TMEM217: variants seen among roughly 807,000 people sequenced by gnomAD.
TMEM217 encodes chromosome 6 open reading frame 128.
For synonymous variants in TMEM217, 76 were observed against 88.3 expected (o/e 0.86, Z 0.78); for missense variants, 204 against 248.8 (o/e 0.82, Z 1.21).
chr6:37,233,696 A>C (rs750206347), intron 1 of TMEM217, among the ~76,000 whole-genome samples: 3 of 152,220 alleles, frequency 2.0e-5, no homozygotes, highest in Non-Finnish European at 4.4e-5. Flanking sequence ...TGCTATCATC[A>C]TAGTCCAAAA....
intron 1 of TMEM217, among the ~76,000 whole-genome samples, chr6:37,230,680 G>T (rs1203033673): frequency 6.6e-6 from 1 of 152,076 alleles, no homozygotes; most frequent in Non-Finnish European, 1.5e-5. Flanking sequence ...CAGAATTCAA[G>T]AACTGTGAGA....
chr6:37,252,976 TAAAGA>T (rs1765528658), intron 1 of TMEM217, among the ~76,000 whole-genome samples: 1 of 152,216 alleles, frequency 6.6e-6, no homozygotes, highest in African/African-American at 2.4e-5. Flanking sequence ...ACGGTAACAT[TAAAGA>T]AAAGTTCCAG....
At chr6:37,248,336 T>C (rs1765210608) in intron 1 of TMEM217, among the ~76,000 whole-genome samples, 1 of 152,206 alleles carries the variant, frequency 6.6e-6, no homozygotes, top group South Asian at 2.1e-4. Context: ...GAAGAATTAA[T>C]TTCTATCTAC....
At chr6:37,215,308 T>A (rs1312242160), downstream of TMEM217, 5 of 1,607,874 alleles carry the variant, frequency 3.1e-6, no homozygotes, top group East Asian at 1.1e-4. Flanking sequence ...AACAAATGAA[T>A]AAAAATTGTT....
At chr6:37,243,460 A>T (rs1388962446) in intron 1 of TMEM217, among the ~76,000 whole-genome samples, 3 of 152,224 alleles carry the variant, frequency 2.0e-5, no homozygotes, top group Non-Finnish European at 4.4e-5. Context: ...CCTGCCTGCT[A>T]CACAGACAAA....
At chr6:37,218,185 T>TTTTG in exon 2 of TMEM217, 2 of 1,121,888 alleles carry the variant, frequency 1.8e-6, no homozygotes, top group East Asian at 4.3e-5. Flanking sequence ...TTTTTTTTTT[T>TTTTG]GGGGGACAGA....
chr6:37,231,200 C>T (rs902769411), intron 1 of TMEM217, among the ~76,000 whole-genome samples: 2 of 149,356 alleles, frequency 1.3e-5, no homozygotes, highest in East Asian at 2.0e-4. Flanking sequence ...GCTGGGATTA[C>T]AGGTGCAAGC....
At chr6:37,255,278 G>C (rs1306853456) in intron 1 of TMEM217, among the ~76,000 whole-genome samples, 1 of 152,180 alleles carries the variant, frequency 6.6e-6, no homozygotes, top group Non-Finnish European at 1.5e-5. Context: ...GAGGTGAGTG[G>C]AGCCAAGTCA....
chr6:37,242,531 A>T (rs913300573), intron 1 of TMEM217, among the ~76,000 whole-genome samples: 4 of 152,214 alleles, frequency 2.6e-5, no homozygotes, highest in African/African-American at 9.6e-5. Context: ...AAAGCCTGTC[A>T]TGCTTTGGTG....
intron 1 of TMEM217, among the ~76,000 whole-genome samples, chr6:37,230,210 A>T (rs1764120512): frequency 6.6e-6 from 1 of 152,228 alleles, no homozygotes; most frequent in South Asian, 2.1e-4. Flanking sequence ...AACTGGAGAA[A>T]GTTCTCTCCA....
At chr6:37,257,004 G>T (rs954228872) in intron 1 of TMEM217, among the ~76,000 whole-genome samples, 1 of 152,214 alleles carries the variant, frequency 6.6e-6, no homozygotes, top group African/African-American at 2.4e-5. Context: ...GGGAAATTAA[G>T]GATGTTGGTG....
At chr6:37,242,064 G>T (rs1764795550) in intron 1 of TMEM217, among the ~76,000 whole-genome samples, 1 of 138,346 alleles carries the variant, frequency 7.2e-6, no homozygotes, top group Non-Finnish European at 1.5e-5. Context: ...GAGTCACATA[G>T]AACCCCCTGA....
chr6:37,238,325 T>C (rs986913445), intron 1 of TMEM217, among the ~76,000 whole-genome samples: 2 of 152,220 alleles, frequency 1.3e-5, no homozygotes, highest in African/African-American at 2.4e-5. Context: ...ATTTTTACTT[T>C]ATGCCAAGGA....
intron 1 of TMEM217, among the ~76,000 whole-genome samples, chr6:37,245,513 A>C (rs1395112539): frequency 6.6e-6 from 1 of 152,256 alleles, no homozygotes; most frequent in Non-Finnish European, 1.5e-5. Flanking sequence ...GCCATGACTT[A>C]GTTCACAGGA....
chr6:37,235,555 A>G (rs551531135), intron 1 of TMEM217, among the ~76,000 whole-genome samples: 97 of 151,796 alleles, frequency 6.4e-4, no homozygotes, highest in African/African-American at 2.2e-3. Context: ...TTTAGTAGAG[A>G]TGGGGTTTCA....
chr6:37,227,044 G>A (rs758482442), intron 1 of TMEM217, among the ~76,000 whole-genome samples: 1 of 152,236 alleles, frequency 6.6e-6, no homozygotes, highest in Non-Finnish European at 1.5e-5. Flanking sequence ...GCCCAGGCCT[G>A]TATATCTGCA....
chr6:37,217,515 C>A (rs903855314), downstream of TMEM217: 3 of 512,606 alleles, frequency 5.9e-6, no homozygotes, highest in Non-Finnish European at 7.5e-6. Context: ...AGTGTTCACA[C>A]TACAGAGTAC....
rs573124041 is a variant in TMEM217, at chr6:37,250,530, A to G, written c.-12+7038T>C. Among the ~76,000 whole-genome samples, 130 of 152,378 alleles carry G rather than the reference A, an allele frequency of 8.5e-4. 1 individual carries two copies. The highest frequency in any genetic ancestry group is 2.9e-3 in the African/African-American group (122 of 41,588). On this transcript the variant is annotated intron_variant, in intron 1 of 1. Transcript: ENST00000357219. The stretch of plus-strand genomic sequence containing the variant: ...AAGCCATTTTGGAGAACATTTTGCA[A>G]CATTTAGTAAAGTGGAAGTTGTACA...
chr6:37,252,499 CAT>C (rs58540243), intron 1 of TMEM217, among the ~76,000 whole-genome samples: 38 of 150,792 alleles, frequency 2.5e-4, no homozygotes, highest in African/African-American at 7.3e-4. Flanking sequence ...TACATGTATG[CAT>C]ATATATATGC....
Sources: allele counts gnomAD v4.1 joint callset (sites outside exome capture counted in the v4.1 genomes callset), GRCh38; gene constraint gnomAD v4.1.1; transcripts MANE v1.5; gene names NCBI Gene and HGNC (gene_info 2026-07-23, HGNC 2026-07-21).